The following NR2F1-AS1 variants were observed in gnomAD, a reference collection of about 807,000 sequenced individuals.
NR2F1-AS1 encodes the protein NR2F1 antisense RNA 1.
chr5:93,449,957 G>C (rs1006033155), intron 4 of NR2F1-AS1, among the ~76,000 whole-genome samples: 1 of 152,198 alleles, frequency 6.6e-6, no homozygotes, highest in Admixed American at 6.5e-5. Context: ...ATTTCTGGGA[G>C]ATTAGTGTTT....
intron 4 of NR2F1-AS1, among the ~76,000 whole-genome samples, chr5:93,449,002 G>C (rs1749774190): frequency 1.3e-5 from 2 of 152,112 alleles, no homozygotes; most frequent in Non-Finnish European, 2.9e-5. Context: ...AAGTATCAAG[G>C]ATCAAGCATA....
At chr5:93,509,492 A>C (rs1751252512) in intron 4 of NR2F1-AS1, among the ~76,000 whole-genome samples, 2 of 152,118 alleles carry the variant, frequency 1.3e-5, no homozygotes, top group African/African-American at 4.8e-5. Context: ...TAAATTTATG[A>C]ATACATAAAT....
intron 4 of NR2F1-AS1, among the ~76,000 whole-genome samples, chr5:93,476,951 A>G (rs1329592414): frequency 1.3e-5 from 2 of 152,214 alleles, no homozygotes; most frequent in South Asian, 2.1e-4. Context: ...TGCTGGAAAG[A>G]AGGCTGCACT....
At chr5:93,541,003 C>T (rs1310651616) in intron 4 of NR2F1-AS1, among the ~76,000 whole-genome samples, 2 of 152,122 alleles carry the variant, frequency 1.3e-5, no homozygotes, top group African/African-American at 4.8e-5. Context: ...CCAACGTTAG[C>T]CCTCACTTTT....
At chr5:93,562,987 A>G (rs1752529091) in intron 2 of NR2F1-AS1, among the ~76,000 whole-genome samples, 1 of 152,240 alleles carries the variant, frequency 6.6e-6, no homozygotes. Flanking sequence ...GGTAAGAGAA[A>G]ATTCTACCCC....
chr5:93,471,058 A>T (rs908962798), intron 4 of NR2F1-AS1, among the ~76,000 whole-genome samples: 4 of 151,878 alleles, frequency 2.6e-5, no homozygotes, highest in African/African-American at 9.7e-5. Context: ...ATTTTTGAAA[A>T]TCCCAGGCTA....
chr5:93,467,566 C>T (rs1021830941), intron 4 of NR2F1-AS1, among the ~76,000 whole-genome samples: 2 of 152,164 alleles, frequency 1.3e-5, no homozygotes, highest in African/African-American at 4.8e-5. Flanking sequence ...TTATCTGTTT[C>T]GTGTTCTACT....
intron 4 of NR2F1-AS1, among the ~76,000 whole-genome samples, chr5:93,540,327 G>C (rs1433616712): frequency 6.6e-6 from 1 of 152,284 alleles, no homozygotes; most frequent in African/African-American, 2.4e-5. Flanking sequence ...AAAAAAGTAA[G>C]ATCTTTCAGA....
At chr5:93,504,671 T>C (rs1025279348) in intron 4 of NR2F1-AS1, among the ~76,000 whole-genome samples, 1 of 151,680 alleles carries the variant, frequency 6.6e-6, no homozygotes, top group East Asian at 1.9e-4. Context: ...CAAGAGAAAA[T>C]GAGGAAGAAG....
intron 4 of NR2F1-AS1, among the ~76,000 whole-genome samples, chr5:93,475,830 T>TAC (rs1034333231): frequency 2.0e-5 from 3 of 152,212 alleles, no homozygotes; most frequent in African/African-American, 7.2e-5. Context: ...TCACTGTATG[T>TAC]ACTTCATGCC....
chr5:93,470,969 T>C (rs1750353159), intron 4 of NR2F1-AS1, among the ~76,000 whole-genome samples: 1 of 151,870 alleles, frequency 6.6e-6, no homozygotes, highest in Admixed American at 6.6e-5. Context: ...AATCAAGATA[T>C]GACTATGTCA....
intron 4 of NR2F1-AS1, among the ~76,000 whole-genome samples, chr5:93,490,613 G>A (rs1458548681): frequency 1.4e-5 from 2 of 147,326 alleles, no homozygotes; most frequent in African/African-American, 2.5e-5. Context: ...GGTGGCAGTG[G>A]TGGTGGTGGT....
chr5:93,570,161 C>T (rs1054009319), intron 1 of NR2F1-AS1: 2 of 152,224 alleles, frequency 1.3e-5, no homozygotes, highest in Admixed American at 1.3e-4. Flanking sequence ...TCCCGCCTTG[C>T]AGATGGGTGT....
intron 4 of NR2F1-AS1, among the ~76,000 whole-genome samples, chr5:93,441,934 C>T (rs1749579102): frequency 6.6e-6 from 1 of 152,192 alleles, no homozygotes; most frequent in Non-Finnish European, 1.5e-5. Context: ...TGGAATACAG[C>T]ACACTTATGA....
intron 4 of NR2F1-AS1, among the ~76,000 whole-genome samples, chr5:93,421,270 C>T (rs970315353): frequency 6.6e-6 from 1 of 151,704 alleles, no homozygotes; most frequent in Non-Finnish European, 1.5e-5. Context: ...GGAAATGTTT[C>T]TGTGTTTCCA....
chr5:93,463,051 G>A lies in NR2F1-AS1; in HGVS notation n.639-67509C>T, dbSNP rs183783701. ...TGAGGAGCCAAATGTTAATTGCCAA[G>A]ATAATGGGGAAAATGTCTCCAGGCC... is the stretch of plus-strand genomic sequence containing the variant. On this transcript the variant is annotated intron_variant and non_coding_transcript_variant, in intron 4 of 5. Coordinates refer to ENST00000660523, the Ensembl canonical transcript of NR2F1-AS1. Among the ~76,000 whole-genome samples the A allele has an allele frequency of 1.0e-3, 152 of 152,308 alleles. 1 individual carries two copies. Among genetic ancestry groups the A allele is most frequent in the African/African-American group, 3.0e-3 (124 of 41,562 alleles).
chr5:93,550,106 A>C (rs1219035627), intron 4 of NR2F1-AS1, among the ~76,000 whole-genome samples: 1 of 151,538 alleles, frequency 6.6e-6, no homozygotes, highest in Non-Finnish European at 1.5e-5. Flanking sequence ...CCAGAACTTA[A>C]AGTATAATTA....
At chr5:93,581,908 G>GTC (rs368238145), upstream of NR2F1-AS1, among the ~76,000 whole-genome samples, 128 of 39,672 alleles carry the variant, frequency 3.2e-3, 5 homozygotes, top group African/African-American at 9.2e-3. Flanking sequence ...CTCTCTCTGG[G>GTC]TCTCTCTCTC....
chr5:93,558,385 A>G (rs976459575), intron 2 of NR2F1-AS1, among the ~76,000 whole-genome samples: 4 of 150,810 alleles, frequency 2.7e-5, no homozygotes, highest in South Asian at 4.2e-4. Context: ...CAGTGGTGCA[A>G]TCTCGGCTCA....
Sources: gnomAD v4.1 joint callset for allele counts (sites outside exome capture counted in the v4.1 genomes callset) on GRCh38, gnomAD v4.1.1 for gene constraint, MANE v1.5 for transcripts, NCBI Gene and HGNC (gene_info 2026-07-23, HGNC 2026-07-21) for gene names.